The following LRCH1 variants were observed in gnomAD, a reference collection of about 807,000 sequenced individuals.
The protein encoded by LRCH1 is leucine-rich repeat and calponin homology domain-containing protein 1.
In LRCH1, 23 loss-of-function variants were observed where a neutral mutation model predicts 94.9. The observed-to-expected ratio is 0.24, with a 90% CI of 0.17 to 0.34. The LOEUF is 0.34. LRCH1 is among the 10% of genes least tolerant of loss of function. The pLI, the probability that LRCH1 is intolerant of heterozygous loss-of-function variation, is 1.00. For synonymous variants in LRCH1, 364 were observed against 354.9 expected, an observed-to-expected ratio of 1.03 and a Z score of -0.29; for missense variants, 790 against 945.9, an observed-to-expected ratio of 0.84 and a Z score of 2.16.
At chr13:46,731,904 G>A (rs1332254859) in intron 18 of LRCH1, among the ~76,000 whole-genome samples, 1 of 152,058 alleles carries the variant, frequency 6.6e-6, no homozygotes, top group South Asian at 2.1e-4. Flanking sequence ...CAACGCCTTA[G>A]GACAGGGTTT....
intron 1 of LRCH1, among the ~76,000 whole-genome samples, chr13:46,618,336 G>A (rs992385678): frequency 3.9e-5 from 6 of 152,146 alleles, no homozygotes; most frequent in Non-Finnish European, 7.3e-5. Flanking sequence ...CATAAAAAGT[G>A]AAAATGGTAC....
At chr13:46,614,812 G>A (rs779715124) in intron 1 of LRCH1, among the ~76,000 whole-genome samples, 7 of 152,086 alleles carry the variant, frequency 4.6e-5, no homozygotes, top group Non-Finnish European at 7.4e-5. Context: ...TGTATATCAC[G>A]GTGCAGTATC....
chr13:46,735,788 C>CTTTTTTTTTTTTTTT lies in LRCH1; in HGVS notation c.2085+1794_2085+1795insTTTTTTTTTTTTTTT, dbSNP rs1288570749. Among the ~76,000 whole-genome samples, 61 of 69,852 alleles carry CTTTTTTTTTTTTTTT rather than the reference C, an allele frequency of 8.7e-4. 6 individuals carry two copies. The highest frequency in any genetic ancestry group is 1.1e-3 in the African/African-American group (24 of 21,096). The allele number at this position is 69,852 out of a possible 152,430, so 45.8% of individuals were successfully genotyped here. A position where few individuals can be genotyped will look rare whatever the true frequency, so the allele number is the denominator to read the frequency against. Reference sequence around the variant, plus strand: ...AGGTGATTTTCCTTTTTTTCTTTTTCTTTTCTTTTTTTTTTTTTTTTCGAG... The same window carrying CTTTTTTTTTTTTTTT: ...AGGTGATTTTCCTTTTTTTCTTTTTCTTTTTTTTTTTTTTTTTTTCTTTTTTTTTTTTTTTTCGAG... On this transcript the variant is annotated intron_variant, in intron 19 of 19. Transcript: ENST00000389797.
intron 2 of LRCH1, among the ~76,000 whole-genome samples, chr13:46,650,796 T>C (rs950292218): frequency 1.3e-5 from 2 of 150,376 alleles, no homozygotes; most frequent in Non-Finnish European, 3.0e-5. Flanking sequence ...CTTTGCTACC[T>C]AGTACTAATT....
At chr13:46,691,435 C>T (rs1870890942) in intron 7 of LRCH1, among the ~76,000 whole-genome samples, 1 of 152,198 alleles carries the variant, frequency 6.6e-6, no homozygotes, top group African/African-American at 2.4e-5. Context: ...CAGCCTAAAA[C>T]AGAGAAATAA....
chr13:46,724,694 A>G (rs1187742068), intron 17 of LRCH1, among the ~76,000 whole-genome samples: 1 of 152,270 alleles, frequency 6.6e-6, no homozygotes, highest in East Asian at 1.9e-4. Flanking sequence ...TCACCAAGGA[A>G]GAAAACATTG....
chr13:46,585,640 T>C (rs1302981493), intron 1 of LRCH1, among the ~76,000 whole-genome samples: 1 of 152,132 alleles, frequency 6.6e-6, no homozygotes, highest in Non-Finnish European at 1.5e-5. Context: ...CTAGTTGTCC[T>C]GAATATGCTT....
chr13:46,645,946 G>A (rs2051215319), intron 1 of LRCH1, among the ~76,000 whole-genome samples: 1 of 97,432 alleles, frequency 1.0e-5, no homozygotes, highest in South Asian at 3.9e-4. Context: ...AGTTTGGAAT[G>A]TAAACTGGAC....
chr13:46,657,401 T>TA (rs1555278937), intron 2 of LRCH1, among the ~76,000 whole-genome samples: 1 of 148,688 alleles, frequency 6.7e-6, no homozygotes. Flanking sequence ...TTTTTTTTTT[T>TA]AAAACATACA....
At chr13:46,729,064 TGTCA>T in intron 18 of LRCH1, 80 bp downstream of exon 18, 7 of 1,392,244 alleles carry the variant, frequency 5.0e-6, no homozygotes, top group Non-Finnish European at 6.8e-6. Context: ...ATGTCAATGG[TGTCA>T]GTAGGAGCTT....
intron 1 of LRCH1, among the ~76,000 whole-genome samples, chr13:46,632,426 G>A (rs1167994601): frequency 6.6e-6 from 1 of 152,138 alleles, no homozygotes; most frequent in South Asian, 2.1e-4. Flanking sequence ...TGGAGACCTC[G>A]AGAATTCTCA....
chr13:46,581,717 T>C (rs1225190953), intron 1 of LRCH1, among the ~76,000 whole-genome samples: 1 of 152,218 alleles, frequency 6.6e-6, no homozygotes, highest in Non-Finnish European at 1.5e-5. Flanking sequence ...TATATTGAAC[T>C]GAGAAAAGGC....
At chr13:46,641,774 C>G (rs985073115) in intron 1 of LRCH1, among the ~76,000 whole-genome samples, 1 of 152,166 alleles carries the variant, frequency 6.6e-6, no homozygotes, top group Non-Finnish European at 1.5e-5. Flanking sequence ...AAAACAACAC[C>G]GTGCTTCCAA....
At chr13:46,623,411 G>A (rs2050903707) in intron 1 of LRCH1, among the ~76,000 whole-genome samples, 1 of 152,086 alleles carries the variant, frequency 6.6e-6, no homozygotes, top group Non-Finnish European at 1.5e-5. Flanking sequence ...CCACAAATAT[G>A]ATTAATTTAA....
Position 46,742,050 on chromosome 13 carries a change from T to C in LRCH1, c.*202T>C. 7.0e-7 allele frequency: 1 copy of C among 1,426,714 alleles called. No individual in the cohort carries two copies. Among genetic ancestry groups the C allele is most frequent in the South Asian group, 1.5e-5 (1 of 66,184 alleles). The allele number at this position is 1,426,714 out of a possible 1,614,324, so 88.4% of individuals were successfully genotyped here. On this transcript the variant is annotated 3_prime_UTR_variant, in exon 20 of 20. Transcript: ENST00000389797. ...TACAGTTTAGTATAATTCCTCTCAC[T>C]TACTGAAATACAACGACGACGACTG...
chr13:46,622,576 A>G (rs528536469), intron 1 of LRCH1, among the ~76,000 whole-genome samples: 12 of 152,344 alleles, frequency 7.9e-5, no homozygotes, highest in African/African-American at 2.9e-4. Context: ...GTTTAGTCCT[A>G]AACTAGTACC....
chr13:46,669,226 A>C, intron 3 of LRCH1, 70 bp downstream of exon 3: 1 of 1,567,952 alleles, frequency 6.4e-7, no homozygotes. Context: ...GGTATTCAGA[A>C]AACCTTTTTG....
rs573652424 is a variant in LRCH1 at position 46,597,815 on chromosome 13, T to A, written c.307+44112T>A. ...TAGATCAAATAAGCCATTTTTTTTT[T>A]AAAAAACAGAAACACACATAAAATG... On this transcript the variant is annotated intron_variant, in intron 1 of 19. Coordinates refer to ENST00000389797, the MANE Select transcript of LRCH1 (RefSeq NM_001164211.2). 3.3e-3 allele frequency among the ~76,000 whole-genome samples: 500 copies of A among 151,464 alleles called. 4 individuals carry two copies. Among genetic ancestry groups the A allele is most frequent in the South Asian group, 0.02 (96 of 4,778 alleles).
chr13:46,731,177 C>G (rs897397865), intron 18 of LRCH1, among the ~76,000 whole-genome samples: 4 of 137,732 alleles, frequency 2.9e-5, no homozygotes, highest in African/African-American at 1.1e-4. Context: ...GTGAGCTTCT[C>G]ATATAGACTA....
Sources: allele counts gnomAD v4.1 joint callset (sites outside exome capture counted in the v4.1 genomes callset), GRCh38; gene constraint gnomAD v4.1.1; transcripts MANE v1.5; gene names NCBI Gene and HGNC (gene_info 2026-07-23, HGNC 2026-07-21).